The following DDX60L variants were observed in gnomAD, a reference collection of about 807,000 sequenced individuals.
DDX60L encodes probable ATP-dependent RNA helicase DDX60-like.
In DDX60L, 191 loss-of-function variants were observed where a neutral mutation model predicts 211.6. The ratio of observed to expected loss-of-function variants is 0.90; its 90% CI spans 0.80 to 1.02. DDX60L has a LOEUF of 1.02. Ranked by LOEUF, DDX60L falls within the 50% of genes least tolerant of loss-of-function variation. The pLI, the probability that DDX60L is intolerant of heterozygous loss-of-function variation, is 0.00. For synonymous variants in DDX60L, 706 were observed against 694.1 expected (o/e 1.02, Z -0.27); for missense variants, 2,007 against 1,984.1 (o/e 1.01, Z -0.22).
At position 168,416,712 on chromosome 4, in the gene DDX60L, G is replaced by T; in HGVS notation, c.2696C>A (p.Ala899Asp). Residue 899 changes from alanine (A) to aspartate (D), a missense_variant, in exon 20 of 38, where the codon GCT becomes GAT. By Grantham distance (126) the Ala-to-Asp change is moderately radical. Transcript: ENST00000682922. ...IIRCPFLVLS[A>D]TINNPNLLTK... ...GAGAAGATTTGGGTTATTTATGGTAGCTGAAAGAACCAAAAAGGGACATCG... is the reference window on the plus strand; with the variant it reads ...GAGAAGATTTGGGTTATTTATGGTATCTGAAAGAACCAAAAAGGGACATCG... 1 of 1,602,028 alleles carries T rather than the reference G, an allele frequency of 6.2e-7. No individual in the cohort carries two copies. Among genetic ancestry groups the T allele is most frequent in the Non-Finnish European group, 8.5e-7 (1 of 1,175,862 alleles).
Position 168,415,753 on chromosome 4 carries a change from T to C in DDX60L, c.2773A>G (p.Met925Val). Residue 925 changes from methionine (M) to valine (V), a missense_variant, in exon 21 of 38, where the codon ATG (methionine) becomes GTG (valine). By Grantham distance (21) the Met-to-Val change is conservative (BLOSUM62 1). Transcript: ENST00000682922. ...TTTTCAGAAATACATTTCTCTTCCA[T>C]AATCTTGTCTGCCTGTTTCCAGTAC... is the stretch of plus-strand genomic sequence containing the variant. ...KQYWKQADKI[M>V]EEKCISEKQA... The C allele has an allele frequency of 3.8e-6, 6 of 1,590,090 alleles. No individual in the cohort carries two copies. Among genetic ancestry groups the C allele is most frequent in the Non-Finnish European group, 5.1e-6 (6 of 1,166,868 alleles).
At chr4:168,397,741 G>A (rs932005868) in intron 26 of DDX60L, among the ~76,000 whole-genome samples, 7 of 152,206 alleles carry the variant, frequency 4.6e-5, no homozygotes, top group South Asian at 2.1e-4. Flanking sequence ...AATCTGGAGC[G>A]GCCGCTGCCA....
chr4:168,476,804 T>C (rs183460561), intron 1 of DDX60L, among the ~76,000 whole-genome samples: 2 of 152,352 alleles, frequency 1.3e-5, no homozygotes, highest in African/African-American at 2.4e-5. Flanking sequence ...CATCTGGAGA[T>C]AGCCATGAAA....
chr4:168,447,690 T>C (rs1755032291), intron 9 of DDX60L, among the ~76,000 whole-genome samples: 1 of 151,252 alleles, frequency 6.6e-6, no homozygotes, highest in Non-Finnish European at 1.5e-5. Context: ...TGGAATACTA[T>C]GCAGCCATAA....
chr4:168,366,809 A>G (rs1009690342), intron 36 of DDX60L, among the ~76,000 whole-genome samples: 19 of 152,094 alleles, frequency 1.2e-4, no homozygotes, highest in Non-Finnish European at 2.6e-4. Context: ...AAACAGTAGA[A>G]AACCCAGAAA....
At chr4:168,423,138 G>C (rs1167218362) in intron 15 of DDX60L, among the ~76,000 whole-genome samples, 5 of 152,006 alleles carry the variant, frequency 3.3e-5, no homozygotes, top group Admixed American at 1.3e-4. Flanking sequence ...CTTTTAAATA[G>C]TGTAATATTT....
intron 37 of DDX60L, among the ~76,000 whole-genome samples, chr4:168,358,679 C>T (rs1738580113): frequency 6.6e-6 from 1 of 151,566 alleles, no homozygotes; most frequent in Non-Finnish European, 1.5e-5. Flanking sequence ...TTATAGGCAC[C>T]CGGCTAATTT....
At position 168,357,994 on chromosome 4, in the gene DDX60L, A is replaced by G. The variant is rs181720596; in HGVS notation, c.*153T>C. The G allele has an allele frequency of 3.0e-6, 2 of 667,160 alleles. No individual in the cohort carries two copies. Among genetic ancestry groups the G allele is most frequent in the Non-Finnish European group, 2.5e-6 (1 of 404,500 alleles). 41.3% of individuals were successfully genotyped at this position (667,160 alleles called of 1,614,324 possible). ...CAGATATATTACATAACTTAAAGTC[A>G]TTCAGTTAGAAAATAGCAGAGCTGA... On this transcript the variant is annotated 3_prime_UTR_variant, in exon 38 of 38. Transcript: ENST00000682922.
intron 29 of DDX60L, among the ~76,000 whole-genome samples, chr4:168,389,838 G>A (rs1296518763): frequency 6.6e-6 from 1 of 152,150 alleles, no homozygotes; most frequent in African/African-American, 2.4e-5. Flanking sequence ...TGACAAAACT[G>A]AGATGCATGA....
Position 168,357,414 on chromosome 4 carries a change from C to G in DDX60L, c.*733G>C, listed in dbSNP as rs1738355380. 1 of 152,274 alleles carries G rather than the reference C, an allele frequency of 6.6e-6. No homozygotes were observed. The highest frequency in any genetic ancestry group is 2.4e-5 in the African/African-American group (1 of 41,426). 9.4% of individuals were successfully genotyped at this position (152,274 alleles called of 1,614,324 possible). On this transcript the variant is annotated 3_prime_UTR_variant, in exon 38 of 38. Coordinates refer to ENST00000682922, the MANE Select transcript of DDX60L (RefSeq NM_001012967.3). ...TCACAATCCTGGAGGCTGGAAAGTT[C>G]AAGATCATGGTGTAAGTAGATTCAG... is the stretch of plus-strand genomic sequence containing the variant.
intron 5 of DDX60L, among the ~76,000 whole-genome samples, chr4:168,461,444 T>C (rs1360750563): frequency 2.0e-5 from 3 of 152,182 alleles, no homozygotes; most frequent in African/African-American, 7.2e-5. Flanking sequence ...CACAATTAGA[T>C]ATGAATAGAT....
At chr4:168,405,849 C>A in intron 24 of DDX60L, 101 bp downstream of exon 24, 2 of 1,281,200 alleles carry the variant, frequency 1.6e-6, no homozygotes, top group Non-Finnish European at 2.1e-6. Flanking sequence ...AAACAAAAAT[C>A]GGAATAAAAA....
At position 168,415,650 on chromosome 4, in the gene DDX60L, A is replaced by T; in HGVS notation, c.2869+7T>A. The T allele has an allele frequency of 6.5e-7, 1 of 1,545,914 alleles. No homozygotes were observed. Among genetic ancestry groups the T allele is most frequent in the Non-Finnish European group, 8.7e-7 (1 of 1,145,566 alleles). ...TATATAGTAAAACATAAAAAAAATA[A>T]GCTTACCAAGTCTAACTTCATATGA... On this transcript the variant is annotated splice_region_variant and intron_variant, in intron 21 of 37. Coordinates refer to ENST00000682922, the MANE Select transcript of DDX60L (RefSeq NM_001012967.3).
chr4:168,467,643 C>T (rs988489671), intron 4 of DDX60L, among the ~76,000 whole-genome samples: 2 of 151,866 alleles, frequency 1.3e-5, no homozygotes, highest in East Asian at 3.9e-4. Flanking sequence ...TCTAAATGGC[C>T]CTATATTTAT....
At position 168,472,535 on chromosome 4, in the gene DDX60L, G is replaced by C; in HGVS notation, c.5-11C>G. The C allele has an allele frequency of 1.3e-6, 2 of 1,580,248 alleles. No homozygotes were observed. The highest frequency in any genetic ancestry group is 1.7e-6 in the Non-Finnish European group (2 of 1,161,640). ...CATGATCCTTTGACCCTAAAAATAAGGAGATTTTTTGAGCCATCAATATTT... is the reference window on the plus strand; with the variant it reads ...CATGATCCTTTGACCCTAAAAATAACGAGATTTTTTGAGCCATCAATATTT... On this transcript the variant is annotated splice_polypyrimidine_tract_variant and intron_variant, in intron 2 of 37. Transcript: ENST00000682922.
At chr4:168,364,301 T>C (rs962002421) in intron 36 of DDX60L, among the ~76,000 whole-genome samples, 2 of 151,930 alleles carry the variant, frequency 1.3e-5, no homozygotes, top group African/African-American at 4.8e-5. Context: ...ACAAAAACTA[T>C]AAAAAGGACA....
chr4:168,369,005 T>A (rs2684363), intron 36 of DDX60L, among the ~76,000 whole-genome samples: 1 of 152,096 alleles, frequency 6.6e-6, no homozygotes, highest in Admixed American at 6.5e-5. Flanking sequence ...TAAGACATTG[T>A]ACAGTAGACT....
At chr4:168,458,818 T>C (rs1206383034) in intron 5 of DDX60L, among the ~76,000 whole-genome samples, 1 of 152,218 alleles carries the variant, frequency 6.6e-6, no homozygotes, top group Non-Finnish European at 1.5e-5. Context: ...TAAAGTTAAA[T>C]TAATTTTTTT....
intron 14 of DDX60L, among the ~76,000 whole-genome samples, chr4:168,425,747 T>C (rs145089710): frequency 2.0e-4 from 31 of 151,974 alleles, no homozygotes; most frequent in African/African-American, 7.2e-4. Context: ...CCAGCCTGGG[T>C]GACAGTGAGA....
Sources: gnomAD v4.1 joint callset for allele counts (sites outside exome capture counted in the v4.1 genomes callset) on GRCh38, gnomAD v4.1.1 for gene constraint, MANE v1.5 for transcripts, NCBI Gene and HGNC (gene_info 2026-07-23, HGNC 2026-07-21) for gene names.